The following DHRSX variants were observed in gnomAD, a reference collection of about 807,000 sequenced individuals.
DHRSX encodes dehydrogenase/reductase X-linked, also known as polyprenol dehydrogenase.
A neutral mutation model predicts 34.0 loss-of-function variants in DHRSX; 31 were observed. That is an observed-to-expected ratio of 0.91 (90% CI 0.69 to 1.23). DHRSX has a LOEUF of 1.23. Ranked by LOEUF, DHRSX falls within the 50% of genes most tolerant of loss-of-function variation. The pLI, the probability that DHRSX is intolerant of heterozygous loss-of-function variation, is 0.00. For synonymous variants in DHRSX, 201 were observed against 183.8 expected, an observed-to-expected ratio of 1.09 and a Z score of -0.76; for missense variants, 414 against 428.1, an observed-to-expected ratio of 0.97 and a Z score of 0.29.
intron 3 of DHRSX, among the ~76,000 whole-genome samples, chrX:2,325,232 C>T (rs1033659417): frequency 6.6e-6 from 1 of 151,982 alleles, no homozygotes; most frequent in African/African-American, 2.4e-5. Flanking sequence ...GCTCCATCTT[C>T]CCGGGAGGAA....
At chrX:2,392,078 G>T (rs1468881269) in intron 3 of DHRSX, among the ~76,000 whole-genome samples, 1 of 152,160 alleles carries the variant, frequency 6.6e-6, no homozygotes, top group Non-Finnish European at 1.5e-5. Context: ...AAACGCTGTC[G>T]TTCACCATCC....
intron 1 of DHRSX, among the ~76,000 whole-genome samples, chrX:2,498,908 T>C (rs2045346688): frequency 6.6e-6 from 1 of 152,220 alleles, no homozygotes; most frequent in African/African-American, 2.4e-5. Flanking sequence ...TCCGAAAGCC[T>C]GACTACAGTT....
intron 3 of DHRSX, among the ~76,000 whole-genome samples, chrX:2,371,160 C>G (rs73191312): frequency 0.027 from 4,135 of 151,704 alleles, 69 homozygotes; most frequent in Non-Finnish European, 0.035. Flanking sequence ...CCTCCATTAC[C>G]GTAGTCCCTC....
intron 4 of DHRSX, among the ~76,000 whole-genome samples, chrX:2,288,024 T>C (rs919236277): frequency 6.6e-6 from 1 of 152,102 alleles, no homozygotes; most frequent in African/African-American, 2.4e-5. Flanking sequence ...TAGTGGAAGA[T>C]CTTGAGATGA....
intron 1 of DHRSX, among the ~76,000 whole-genome samples, chrX:2,460,133 T>G (rs2044382578): frequency 6.6e-6 from 1 of 151,956 alleles, no homozygotes; most frequent in Non-Finnish European, 1.5e-5. Flanking sequence ...ACAAAAAAAG[T>G]ATCCACACTG....
At chrX:2,440,638 G>A (rs1045787740) in intron 1 of DHRSX, among the ~76,000 whole-genome samples, 4 of 151,408 alleles carry the variant, frequency 2.6e-5, no homozygotes, top group South Asian at 2.1e-4. Flanking sequence ...TCCTGCCCTC[G>A]AACATCAAGA....
intron 5 of DHRSX, among the ~76,000 whole-genome samples, chrX:2,251,578 G>C (rs1013812516): frequency 6.6e-6 from 1 of 152,104 alleles, no homozygotes; most frequent in Non-Finnish European, 1.5e-5. Flanking sequence ...TAGGGCGGAC[G>C]CATCAAGTGA....
chrX:2,395,737 C>T (rs2043401373), intron 3 of DHRSX, among the ~76,000 whole-genome samples: 1 of 152,068 alleles, frequency 6.6e-6, no homozygotes, highest in Admixed American at 6.6e-5. Flanking sequence ...GGAAGCCATG[C>T]ATTTCCCTGA....
chrX:2,494,899 C>A (rs1244262164), intron 1 of DHRSX, among the ~76,000 whole-genome samples: 4 of 151,538 alleles, frequency 2.6e-5, no homozygotes, highest in Non-Finnish European at 4.4e-5. Flanking sequence ...GGTTTATATT[C>A]TATTATTATT....
At chrX:2,237,610 T>C (rs1437816257) in intron 6 of DHRSX, among the ~76,000 whole-genome samples, 1 of 151,950 alleles carries the variant, frequency 6.6e-6, no homozygotes, top group African/African-American at 2.4e-5. Context: ...GTTCAAGCGA[T>C]TCTCCTGCCT....
rs945510877 is a variant in DHRSX at position 2,390,429 on chromosome X, T to C, written c.286+18316A>G. 2.9e-5 allele frequency among the ~76,000 whole-genome samples: 4 copies of C among 135,776 alleles called. 1 individual carries two copies. Among genetic ancestry groups the C allele is most frequent in the African/African-American group, 1.2e-4 (4 of 33,068 alleles). 89.1% of individuals were successfully genotyped at this position (135,776 alleles called of 152,430 possible). A position where few individuals can be genotyped will look rare whatever the true frequency, so the allele number is the denominator to read the frequency against. On this transcript the variant is annotated intron_variant, in intron 3 of 6. Transcript: ENST00000334651. ...CTGGGATTACGGGCATGAGTCACCA[T>C]GCCCAGCTGCATTTTTTTTTTTTAT...
chrX:2,229,091 G>C (rs188185704), intron 6 of DHRSX, among the ~76,000 whole-genome samples: 1 of 152,170 alleles, frequency 6.6e-6, no homozygotes, highest in African/African-American at 2.4e-5. Flanking sequence ...GTTGCTATTT[G>C]AATGCAGACG....
At chrX:2,456,563 G>T (rs2044299581) in intron 1 of DHRSX, among the ~76,000 whole-genome samples, 2 of 141,864 alleles carry the variant, frequency 1.4e-5, no homozygotes, top group South Asian at 4.5e-4. Flanking sequence ...GCAGTGAGCT[G>T]ACATCACAGC....
intron 1 of DHRSX, among the ~76,000 whole-genome samples, chrX:2,479,356 C>T (rs1302181481): frequency 1.3e-5 from 2 of 149,942 alleles, no homozygotes; most frequent in African/African-American, 2.5e-5. Context: ...AAGGGACCTC[C>T]GCCACGTACA....
At chrX:2,244,318 TG>T (rs2016228481) in intron 5 of DHRSX, among the ~76,000 whole-genome samples, 1 of 151,998 alleles carries the variant, frequency 6.6e-6, no homozygotes, top group Admixed American at 6.6e-5. Flanking sequence ...TCTCTCTCTC[TG>T]GTAACCTCAA....
At chrX:2,390,853 T>G (rs1160529643) in intron 3 of DHRSX, among the ~76,000 whole-genome samples, 1 of 152,168 alleles carries the variant, frequency 6.6e-6, no homozygotes, top group Non-Finnish European at 1.5e-5. Context: ...TTCCATCATT[T>G]GGATACACCA....
chrX:2,292,522 CTG>C (rs1338923975), intron 3 of DHRSX, among the ~76,000 whole-genome samples: 1 of 151,952 alleles, frequency 6.6e-6, no homozygotes. Flanking sequence ...GCATATGTAA[CTG>C]ATACACAAAA....
intron 1 of DHRSX, chrX:2,490,445 G>A: frequency 1.2e-6 from 2 of 1,613,964 alleles, no homozygotes; most frequent in Non-Finnish European, 8.5e-7. Flanking sequence ...GGAGAAGGCG[G>A]TGGCGAAGGC....
intron 6 of DHRSX, among the ~76,000 whole-genome samples, chrX:2,238,708 C>T (rs749651981): frequency 4.6e-5 from 7 of 151,848 alleles, no homozygotes; most frequent in African/African-American, 1.4e-4. Flanking sequence ...CTCAGCCTCC[C>T]GAGTAGCTGG....
Sources: gnomAD v4.1 joint callset for allele counts (sites outside exome capture counted in the v4.1 genomes callset) on GRCh38, gnomAD v4.1.1 for gene constraint, MANE v1.5 for transcripts, NCBI Gene and HGNC (gene_info 2026-07-23, HGNC 2026-07-21) for gene names.